Variants in FLT3 observed in about 807,000 individuals in gnomAD.
The protein encoded by FLT3 is fms related receptor tyrosine kinase 3.
FLT3 carries 46 observed loss-of-function variants against 126.6 expected under a neutral mutation model. The observed-to-expected ratio is 0.36, with a 90% CI of 0.29 to 0.46. The LOEUF is 0.46. FLT3 is among the 20% of genes least tolerant of loss of function. The pLI is 1.00. For missense variants in FLT3, 1,069 were observed against 1,190.3 expected, an observed-to-expected ratio of 0.90 and a Z score of 1.50; for synonymous variants, 404 against 434.4, an observed-to-expected ratio of 0.93 and a Z score of 0.87.
chr13:28,093,877 A>C (rs545842808), intron 1 of FLT3, among the ~76,000 whole-genome samples: 1 of 152,212 alleles, frequency 6.6e-6, no homozygotes, highest in South Asian at 2.1e-4. Flanking sequence ...GGTCCTAGAC[A>C]TAGACGGCGC....
rs35243277 is a variant in FLT3, at chr13:28,081,844, C to CTTTT, written c.44-11236_44-11233dup. Among the ~76,000 whole-genome samples the CTTTT allele has an allele frequency of 3.7e-4, 24 of 64,988 alleles. 2 individuals carry two copies. The highest frequency in any genetic ancestry group is 7.4e-4 in the East Asian group (1 of 1,344). The allele number at this position is 64,988 out of a possible 152,430, so 42.6% of individuals were successfully genotyped here. A position where few individuals can be genotyped will look rare whatever the true frequency, so the allele number is the denominator to read the frequency against. On this transcript the variant is annotated intron_variant, in intron 1 of 23. Transcript: ENST00000241453. ...TTACTTTGATTTTTTTACTTTGATT[C>CTTTT]TTTTTTTTTTTTTTTTTTTTTTTTT...
At position 28,100,400 on chromosome 13, in the gene FLT3, C is replaced by G. The variant is rs957308510; in HGVS notation, c.43+68G>C. The G allele has an allele frequency of 3.6e-6, 4 of 1,104,010 alleles. No individual in the cohort carries two copies. Among genetic ancestry groups the G allele is most frequent in the Non-Finnish European group, 4.6e-6 (4 of 878,700 alleles). The allele number at this position is 1,104,010 out of a possible 1,614,324, so 68.4% of individuals were successfully genotyped here. ...GGCTGGGCCGGAGGAGGCGCGCGCC[C>G]GGGTCCACACTGCGGGGTGGGGGCT... is the stretch of plus-strand genomic sequence containing the variant. On this transcript the variant is annotated intron_variant, in intron 1 of 23. Coordinates refer to ENST00000241453, the MANE Select transcript of FLT3 (RefSeq NM_004119.3). The surrounding 1 kb of genome is among the most constrained non-coding windows in gnomAD (Gnocchi z 4.8).
intron 1 of FLT3, among the ~76,000 whole-genome samples, chr13:28,084,193 A>G (rs542251679): frequency 8.6e-5 from 13 of 151,874 alleles, no homozygotes; most frequent in Non-Finnish European, 1.5e-4. Flanking sequence ...AGGTCTTGCT[A>G]TGTTACCCAG....
chr13:28,014,776 T>C (rs1871691825), intron 22 of FLT3, among the ~76,000 whole-genome samples: 1 of 152,140 alleles, frequency 6.6e-6, no homozygotes, highest in Admixed American at 6.5e-5. Context: ...GTGGATAGAA[T>C]CGAATGACCT....
Position 28,100,517 on chromosome 13 carries a change from C to G in FLT3, c.-7G>C, listed in dbSNP as rs879479617. On this transcript the variant is annotated 5_prime_UTR_variant, in exon 1 of 24. Coordinates refer to ENST00000241453, the MANE Select transcript of FLT3 (RefSeq NM_004119.3). The surrounding 1 kb of genome is among the most constrained non-coding windows in gnomAD (Gnocchi z 4.8). Reference sequence around the variant, plus strand: ...CGCGCGCCAACGCCGGCATGGCCTCCGGAGCCCGGGGTCCCCAGGCCGCGC... The same window carrying G: ...CGCGCGCCAACGCCGGCATGGCCTCGGGAGCCCGGGGTCCCCAGGCCGCGC... 1.6e-6 allele frequency: 2 copies of G among 1,214,706 alleles called. No individual in the cohort carries two copies. Among genetic ancestry groups the G allele is most frequent in the Non-Finnish European group, 1.0e-6 (1 of 977,006 alleles). 75.2% of individuals were successfully genotyped at this position (1,214,706 alleles called of 1,614,324 possible).
intron 16 of FLT3, 30 bp downstream of exon 16, chr13:28,028,148 G>T (rs1566066543): frequency 1.0e-6 from 1 of 1,000,026 alleles, no homozygotes; most frequent in Non-Finnish European, 1.6e-6. Context: ...CAGTCTTTTT[G>T]ATGAGGTGAT....
intron 18 of FLT3, among the ~76,000 whole-genome samples, chr13:28,023,916 C>A (rs900156729): frequency 6.6e-6 from 1 of 151,892 alleles, no homozygotes; most frequent in Non-Finnish European, 1.5e-5. Context: ...GCTGGGACTA[C>A]AGGCTCATGC....
At chr13:28,097,522 T>C (rs1879536903) in intron 1 of FLT3, among the ~76,000 whole-genome samples, 1 of 152,220 alleles carries the variant, frequency 6.6e-6, no homozygotes, top group South Asian at 2.1e-4. Flanking sequence ...CCATTTTTAA[T>C]GTAAGGCAAG....
intron 10 of FLT3, 119 bp downstream of exon 10, chr13:28,037,066 C>T (rs1008326304): frequency 2.5e-5 from 16 of 629,672 alleles, no homozygotes; most frequent in Non-Finnish European, 3.9e-5. Context: ...AACACTTCAG[C>T]GTACAAAAAC....
chr13:28,066,733 T>G (rs1009225483), intron 2 of FLT3, among the ~76,000 whole-genome samples: 1 of 152,018 alleles, frequency 6.6e-6, no homozygotes, highest in African/African-American at 2.4e-5. Flanking sequence ...CCAATTAACA[T>G]AGAGGGAATG....
chr13:28,049,801 GA>G (rs67491524), intron 6 of FLT3, 27 bp from the exon 7 acceptor site: 42 of 1,572,192 alleles, frequency 2.7e-5, no homozygotes, highest in South Asian at 5.8e-5. Context: ...TCCCAAGTGA[GA>G]AAAAAAAAGT....
At chr13:28,054,297 T>C (rs1875809553) in intron 4 of FLT3, among the ~76,000 whole-genome samples, 1 of 152,164 alleles carries the variant, frequency 6.6e-6, no homozygotes, top group African/African-American at 2.4e-5. Context: ...ATTGTGGTCT[T>C]AATTTAATTT....
intron 2 of FLT3, among the ~76,000 whole-genome samples, chr13:28,065,041 T>C (rs1183043403): frequency 6.6e-6 from 1 of 152,174 alleles, no homozygotes; most frequent in Non-Finnish European, 1.5e-5. Context: ...TTGCAATGAT[T>C]TCCTGGATGT....
rs1872674481 is a variant in FLT3 at position 28,024,881 on chromosome 13, C to T, written c.2270G>A (p.Gly757Glu). The stretch of plus-strand genomic sequence containing the variant: ...ATTACCTTCAGAGTGAAATGAATTC[C>T]CATGAAGCCCTGAGATTTGATCCGA... ...PDSDQISGLH[G>E]NSFHSEDEIE... The change falls in exon 18 of 24, where the codon GGG (glycine) becomes GAG (glutamate). Residue 757 changes from glycine (G) to glutamate (E), a missense_variant. Coordinates refer to ENST00000241453, the MANE Select transcript of FLT3 (RefSeq NM_004119.3). 1.2e-6 allele frequency: 2 copies of T among 1,607,986 alleles called. No homozygotes were observed. Among genetic ancestry groups the T allele is most frequent in the African/African-American group, 1.3e-5 (1 of 74,916 alleles).
In FLT3 at chr13:28,034,145, C is replaced by T. The variant is rs773466203; in HGVS notation, c.1774G>A (p.Val592Ile). 2.5e-5 allele frequency: 41 copies of T among 1,613,918 alleles called. No individual in the cohort carries two copies. Among genetic ancestry groups the T allele is most frequent in the Admixed American group, 3.3e-5 (2 of 60,020 alleles). The change falls in exon 14 of 24, where the codon GTT becomes ATT. Residue 592 changes from valine to isoleucine, a missense_variant. Val to Ile is a conservative substitution (Grantham distance 29, BLOSUM62 3). Coordinates refer to ENST00000241453, the MANE Select transcript of FLT3 (RefSeq NM_004119.3). ...TGSSDNEYFY[V>I]DFREYEYDLK... The stretch of plus-strand genomic sequence containing the variant: ...TCATATTCATATTCTCTGAAATCAA[C>T]GTAGAAGTACTCATTATCTGAGGAG...
At chr13:28,030,097 C>T (rs1339661253) in intron 15 of FLT3, among the ~76,000 whole-genome samples, 1 of 152,122 alleles carries the variant, frequency 6.6e-6, no homozygotes, top group Non-Finnish European at 1.5e-5. Context: ...GGTTCGATTG[C>T]CAGGTTCCAT....
At chr13:28,073,352 G>GAAAA (rs35318238) in intron 1 of FLT3, 9 of 298,912 alleles carry the variant, frequency 3.0e-5, no homozygotes, top group African/African-American at 1.6e-4. Context: ...CTCATCTCTG[G>GAAAA]AAAAAAAAAA....
intron 1 of FLT3, among the ~76,000 whole-genome samples, chr13:28,076,009 C>T (rs1477147123): frequency 6.6e-6 from 1 of 152,076 alleles, no homozygotes; most frequent in East Asian, 1.9e-4. Flanking sequence ...GTTGGCCAGG[C>T]TGGTCTGGAA....
intron 2 of FLT3, among the ~76,000 whole-genome samples, chr13:28,063,461 C>A (rs374782802): frequency 1.3e-5 from 2 of 152,138 alleles, no homozygotes; most frequent in Non-Finnish European, 2.9e-5. Flanking sequence ...GCCTGGGGGA[C>A]GGAGTCAGAC....
Sources: gnomAD v4.1 joint callset for allele counts (sites outside exome capture counted in the v4.1 genomes callset) on GRCh38, gnomAD v4.1.1 for gene constraint, Gnocchi (gnomAD v3.1) non-coding constraint, MANE v1.5 for transcripts, NCBI Gene and HGNC (gene_info 2026-07-23, HGNC 2026-07-21) for gene names.